ERAP1: variants seen among roughly 807,000 people sequenced by gnomAD.
ERAP1 encodes adipocyte-derived leucine aminopeptidase.
In ERAP1, 86 loss-of-function variants were observed where a neutral mutation model predicts 103.7. The ratio of observed to expected loss-of-function variants is 0.83; its 90% CI spans 0.70 to 0.99. The LOEUF is 0.99. Ranked by LOEUF, ERAP1 falls within the 50% of genes least tolerant of loss-of-function variation. The pLI, the probability that ERAP1 is intolerant of heterozygous loss-of-function variation, is 0.00. For synonymous variants in ERAP1, 398 were observed against 402.4 expected, an observed-to-expected ratio of 0.99 and a Z score of 0.13; for missense variants, 1,009 against 1,128.4, an observed-to-expected ratio of 0.89 and a Z score of 1.52.
chr5:96,766,186 A>C, intron 19 of ERAP1: 1 of 1,110,160 alleles, frequency 9.0e-7, no homozygotes, highest in Non-Finnish European at 1.4e-6. Flanking sequence ...TATGCTACCA[A>C]GATCTTTAAA....
the ERAP1 span, among the ~76,000 whole-genome samples, chr5:96,890,780 T>C: frequency 6.6e-6 from 1 of 152,224 alleles, no homozygotes; most frequent in Non-Finnish European, 1.5e-5. Context: ...CTGCTATTAT[T>C]GTGCAGGTTC....
chr5:96,900,638 A>G, the ERAP1 span, among the ~76,000 whole-genome samples: 1 of 152,160 alleles, frequency 6.6e-6, no homozygotes, highest in African/African-American at 2.4e-5. Flanking sequence ...TTATTTAAAC[A>G]AAGAGTCATG....
chr5:96,804,348 A>T (rs62376386), intron 1 of ERAP1: 22,455 of 307,262 alleles, frequency 0.073, 969 homozygotes, highest in Middle Eastern at 0.15. Flanking sequence ...CAAAACCAGA[A>T]CCATATCAGA....
At chr5:96,869,799 G>GC in the ERAP1 span, among the ~76,000 whole-genome samples, 1 of 152,188 alleles carries the variant, frequency 6.6e-6, no homozygotes, top group African/African-American at 2.4e-5. Context: ...GAGGATGGGT[G>GC]CCCAGGCAAA....
chr5:96,779,317 T>A lies in ERAP1; in HGVS notation c.2670+1106A>T, dbSNP rs1372308426. 2.0e-5 allele frequency: 3 copies of A among 152,378 alleles called. No individual in the cohort carries two copies. The East Asian group carries it at 5.8e-4, about 29-fold the overall frequency. The allele number at this position is 152,378 out of a possible 1,614,324, so 9.4% of individuals were successfully genotyped here. On this transcript the variant is annotated intron_variant, in intron 18 of 18. Transcript: ENST00000443439. ...GTGAATGAATGAAATGCTTTGTTGC[T>A]ATAGATCTTGTCTATAGATGACTAC... is the stretch of plus-strand genomic sequence containing the variant.
At chr5:96,853,850 T>TAAA in the ERAP1 span, among the ~76,000 whole-genome samples, 39,471 of 143,534 alleles carry the variant, frequency 0.27, 5,435 homozygotes, top group East Asian at 0.33. Context: ...TTAAAAGTTC[T>TAAA]AAAAAAAAAA....
At chr5:96,846,543 G>C in the ERAP1 span, among the ~76,000 whole-genome samples, 1 of 152,154 alleles carries the variant, frequency 6.6e-6, no homozygotes, top group African/African-American at 2.4e-5. Context: ...TCTTAAACTT[G>C]CATATGAATT....
At chr5:96,819,160 G>C in the ERAP1 span, among the ~76,000 whole-genome samples, 1 of 152,036 alleles carries the variant, frequency 6.6e-6, no homozygotes, top group East Asian at 1.9e-4. Context: ...TCTTGACCTC[G>C]TGATCTGCCC....
chr5:96,781,104 G>C lies in ERAP1; in HGVS notation c.2542C>G (p.Leu848Val), dbSNP rs17481856. The change falls in exon 17 of 19, where the codon CTG becomes GTG. Residue 848 changes from leucine to valine, a missense_variant. Coordinates refer to ENST00000443439, the MANE Select transcript of ERAP1 (RefSeq NM_001040458.3). ...TTTTTCCTCAGAAATTGCCAGGCCAGTGGGTATCCTACTGGGTTCCTGCCA... is the reference window on the plus strand; with the variant it reads ...TTTTTCCTCAGAAATTGCCAGGCCACTGGGTATCCTACTGGGTTCCTGCCA... ...LIGRNPVGYPLAWQFLRKNWN... is the reference protein window; with the variant it reads ...LIGRNPVGYPVAWQFLRKNWN... The C allele has an allele frequency of 5.6e-6, 9 of 1,613,678 alleles. No individual in the cohort carries two copies. The highest frequency in any genetic ancestry group is 7.6e-6 in the Non-Finnish European group (9 of 1,179,936).
the ERAP1 span, among the ~76,000 whole-genome samples, chr5:96,932,478 A>C: frequency 6.6e-6 from 1 of 152,312 alleles, no homozygotes; most frequent in South Asian, 2.1e-4. Context: ...ATTTCTCTCT[A>C]TTCCATATTC....
At chr5:96,794,171 CTTTTTTTTTTTTTT>C (rs35041937) in intron 5 of ERAP1, among the ~76,000 whole-genome samples, 4 of 68,726 alleles carry the variant, frequency 5.8e-5, no homozygotes, top group African/African-American at 1.9e-4. Context: ...CATCTCAGGC[CTTTTTTTTTTTTTT>C]TTTTTTTTTT....
At chr5:96,908,374 C>G in the ERAP1 span, among the ~76,000 whole-genome samples, 1 of 152,178 alleles carries the variant, frequency 6.6e-6, no homozygotes, top group African/African-American at 2.4e-5. Context: ...ATTCTTCTCA[C>G]TAGAAGAAAA....
chr5:96,781,583 C>T, intron 16 of ERAP1, 110 bp downstream of exon 16: 1 of 1,400,596 alleles, frequency 7.1e-7, no homozygotes, highest in Non-Finnish European at 1.0e-6. Context: ...GCAGTATGTT[C>T]CCAGCAGGAT....
At chr5:96,838,054 G>A in the ERAP1 span, among the ~76,000 whole-genome samples, 5 of 152,042 alleles carry the variant, frequency 3.3e-5, no homozygotes, top group African/African-American at 1.2e-4. Flanking sequence ...GCACAGGGAT[G>A]GGGGGTGGGG....
At chr5:96,795,657 G>A (rs1424911874) in intron 4 of ERAP1, among the ~76,000 whole-genome samples, 1 of 152,146 alleles carries the variant, frequency 6.6e-6, no homozygotes, top group African/African-American at 2.4e-5. Context: ...TTAATGTAAA[G>A]GTAAACTAGA....
At chr5:96,913,866 T>C in the ERAP1 span, among the ~76,000 whole-genome samples, 5 of 152,164 alleles carry the variant, frequency 3.3e-5, no homozygotes, top group African/African-American at 1.2e-4. Context: ...CTCAGGAATT[T>C]TGGTAAGAGC....
intron 5 of ERAP1, 95 bp from the exon 6 acceptor site, chr5:96,794,052 G>A: frequency 8.0e-7 from 1 of 1,256,758 alleles, no homozygotes; most frequent in Non-Finnish European, 1.2e-6. Flanking sequence ...TGAACCAGCT[G>A]CCCGTGCATA....
chr5:96,913,295 CAA>C, the ERAP1 span: 2 of 1,603,162 alleles, frequency 1.2e-6, no homozygotes, highest in African/African-American at 2.7e-5. Flanking sequence ...TATTTAGAAA[CAA>C]ATTATTTTTC....
At chr5:96,873,636 CT>C in the ERAP1 span, 11,648 of 352,858 alleles carry the variant, frequency 0.033, 250 homozygotes, top group Middle Eastern at 0.065. Context: ...GGAAAGCACC[CT>C]GATGTGCTTG....
Sources: allele counts gnomAD v4.1 joint callset (sites outside exome capture counted in the v4.1 genomes callset), GRCh38; gene constraint gnomAD v4.1.1; transcripts MANE v1.5; gene names NCBI Gene and HGNC (gene_info 2026-07-23, HGNC 2026-07-21).